Variants in NMBR observed in about 807,000 individuals in gnomAD.
The protein encoded by NMBR is neuromedin B receptor, also known as neuromedin-B receptor.
In NMBR, 16 loss-of-function variants were observed where a neutral mutation model predicts 20.5. The ratio of observed to expected loss-of-function variants is 0.78; its 90% CI spans 0.53 to 1.19. The LOEUF (loss-of-function observed/expected upper bound fraction) is 1.19. NMBR is among the 50% of genes most tolerant of loss of function. The probability of loss-of-function intolerance (pLI) is 0.00; values close to 1 mark genes in which losing one functional copy is unlikely to be tolerated. For missense variants in NMBR, 582 were observed against 499.1 expected (o/e 1.17, Z -1.58); for synonymous variants, 212 against 196.6 (o/e 1.08, Z -0.65).
intron 1 of NMBR, among the ~76,000 whole-genome samples, chr6:142,120,124 CTT>C (rs1562243843): frequency 6.6e-6 from 1 of 151,874 alleles, no homozygotes; most frequent in Non-Finnish European, 1.5e-5. Flanking sequence ...GTTTAAGAGA[CTT>C]TTGTGTTCTG....
intron 1 of NMBR, among the ~76,000 whole-genome samples, chr6:142,101,533 G>C (rs1777564982): frequency 2.0e-5 from 3 of 152,078 alleles, no homozygotes; most frequent in Admixed American, 2.0e-4. Flanking sequence ...AGGTTACAGG[G>C]TAGCTCTTTA....
At chr6:142,132,367 T>A (rs1323131459) in intron 1 of NMBR, among the ~76,000 whole-genome samples, 1 of 152,162 alleles carries the variant, frequency 6.6e-6, no homozygotes, top group East Asian at 1.9e-4. Context: ...CCCATAACAA[T>A]GTCTTACAGA....
chr6:142,088,777 C>A lies in NMBR; in HGVS notation c.-119G>T, dbSNP rs904597803. ...CCTCTCGCCCCTGCAAGTTTACTGT[C>A]CGCGGGGCAAGCCTCACAGCACCAC... On this transcript the variant is annotated 5_prime_UTR_variant, in exon 2 of 4. Transcript: ENST00000258042. 1 of 919,402 alleles carries A rather than the reference C, an allele frequency of 1.1e-6. No individual in the cohort carries two copies. Among genetic ancestry groups the A allele is most frequent in the East Asian group, 2.6e-5 (1 of 37,842 alleles). The allele number at this position is 919,402 out of a possible 1,614,324, so 57.0% of individuals were successfully genotyped here. A position where few individuals can be genotyped will look rare whatever the true frequency, so the allele number is the denominator to read the frequency against.
At chr6:142,126,183 A>C (rs1258313344) in intron 1 of NMBR, among the ~76,000 whole-genome samples, 1 of 151,358 alleles carries the variant, frequency 6.6e-6, no homozygotes, top group African/African-American at 2.4e-5. Context: ...CCGTCAACAT[A>C]ATGTCCTTCA....
chr6:142,120,206 A>G (rs897788809), intron 1 of NMBR, among the ~76,000 whole-genome samples: 2 of 151,938 alleles, frequency 1.3e-5, no homozygotes, highest in Non-Finnish European at 2.9e-5. Flanking sequence ...GACAAAACCT[A>G]TAACAATCAT....
intron 1 of NMBR, among the ~76,000 whole-genome samples, chr6:142,126,757 A>ATTTTTTTTTTTTTTTTTT (rs34631481): frequency 1.6e-4 from 8 of 51,360 alleles, no homozygotes; most frequent in African/African-American, 2.5e-4. Flanking sequence ...TATTTGAGGG[A>ATTTTTTTTTTTTTTTTTT]TTTTTTTTTT....
intron 3 of NMBR, 106 bp from the exon 4 acceptor site, chr6:142,076,155 A>G (rs765625935): frequency 4.6e-5 from 36 of 786,806 alleles, no homozygotes; most frequent in Non-Finnish European, 6.6e-5. Flanking sequence ...ATGATAATAC[A>G]TCCAAAATAC....
rs190515194 is a variant in NMBR at position 142,092,690 on chromosome 6, A to G, written c.-663-3369T>C. On this transcript the variant is annotated intron_variant, in intron 1 of 3. Coordinates refer to ENST00000258042, the MANE Select transcript of NMBR (RefSeq NM_002511.4). ...ATCGCTCTATCTTACTGCCTAGAGA[A>G]AGAGTTTTCAGCCCATGCACAAGGA... Among the ~76,000 whole-genome samples the G allele has an allele frequency of 3.0e-3, 459 of 152,274 alleles. 2 individuals are homozygous for G. Among genetic ancestry groups the G allele is most frequent in the Middle Eastern group, 0.017 (5 of 294 alleles).
chr6:142,122,590 T>C (rs1777963073), intron 1 of NMBR, among the ~76,000 whole-genome samples: 1 of 151,962 alleles, frequency 6.6e-6, no homozygotes, highest in African/African-American at 2.4e-5. Flanking sequence ...AAGAAGTCAA[T>C]GCCTGGGTTC....
At chr6:142,146,120 G>A (rs927313674) in intron 1 of NMBR, among the ~76,000 whole-genome samples, 2 of 152,188 alleles carry the variant, frequency 1.3e-5, no homozygotes, top group African/African-American at 4.8e-5. Flanking sequence ...GATTGGGGAA[G>A]AAGACAGAAC....
chr6:142,077,687 T>C (rs974348896), intron 3 of NMBR, among the ~76,000 whole-genome samples: 2 of 152,192 alleles, frequency 1.3e-5, no homozygotes, highest in Non-Finnish European at 2.9e-5. Flanking sequence ...GGCCCCAGCC[T>C]AATGCTCCAT....
rs3811089 is a variant in NMBR, at chr6:142,090,530, G to C, written c.-663-1209C>G. On this transcript the variant is annotated intron_variant, in intron 1 of 3. Coordinates refer to ENST00000258042, the MANE Select transcript of NMBR (RefSeq NM_002511.4). ...TTAAAATAATTCATTATAAAATTAA[G>C]ATTAGTTAAATAGAATATTTATGTA... Among the ~76,000 whole-genome samples the C allele has an allele frequency of 1.3e-3, 189 of 149,644 alleles. 2 individuals are homozygous for C. In the East Asian group the frequency reaches 0.018, roughly 14 times the overall value.
At chr6:142,145,709 G>A (rs1205634073) in intron 1 of NMBR, among the ~76,000 whole-genome samples, 1 of 152,102 alleles carries the variant, frequency 6.6e-6, no homozygotes, top group Non-Finnish European at 1.5e-5. Flanking sequence ...AGGAAATTGG[G>A]GCTGAGTGCC....
intron 1 of NMBR, among the ~76,000 whole-genome samples, chr6:142,137,277 C>G (rs1778277860): frequency 6.6e-6 from 1 of 152,090 alleles, no homozygotes; most frequent in Admixed American, 6.6e-5. Flanking sequence ...GGAGTTCACT[C>G]ATGATTTGGT....
chr6:142,105,755 G>T (rs1476811293), intron 1 of NMBR, among the ~76,000 whole-genome samples: 2 of 151,956 alleles, frequency 1.3e-5, no homozygotes, highest in Non-Finnish European at 2.9e-5. Context: ...ATCCCAATTT[G>T]TAGTGAAAAC....
intron 1 of NMBR, among the ~76,000 whole-genome samples, chr6:142,125,094 G>T (rs1281317583): frequency 6.6e-6 from 1 of 151,782 alleles, no homozygotes; most frequent in Non-Finnish European, 1.5e-5. Context: ...ATTGGCTAAG[G>T]GTTGTGATTT....
rs572483557 is a variant in NMBR, at chr6:142,076,010, A to T, written c.811T>A (p.Phe271Ile). The part of the protein sequence containing the change: ...RKRLAKIVLV[F>I]VGCFIFCWFP... ...CAACAGAAGATGAAACAGCCCACAA[A>T]GACAAGCACAATTTTAGCCAGGCGT... is the stretch of plus-strand genomic sequence containing the variant. Residue 271 changes from phenylalanine (F) to isoleucine (I), a missense_variant, in exon 4 of 4, where the codon TTT becomes ATT. Phe to Ile is a conservative substitution (Grantham distance 21). Coordinates refer to ENST00000258042, the MANE Select transcript of NMBR (RefSeq NM_002511.4). The T allele has an allele frequency of 1.9e-6, 3 of 1,603,844 alleles. No homozygotes were observed. The highest frequency in any genetic ancestry group is 4.5e-5 in the East Asian group (2 of 44,762).
In NMBR at chr6:142,134,707, A is replaced by G. The variant is rs1778216568; in HGVS notation, c.-664+12337T>C. ...AGCGGCAATAGCATTCTGGCTTCAGATTTACCTCTTTGGTTTCCAAGTAAA... is the reference window on the plus strand; with the variant it reads ...AGCGGCAATAGCATTCTGGCTTCAGGTTTACCTCTTTGGTTTCCAAGTAAA... On this transcript the variant is annotated intron_variant, in intron 1 of 3. Transcript: ENST00000258042. 1.4e-5 allele frequency: 10 copies of G among 692,912 alleles called. No individual in the cohort carries two copies. The South Asian group carries it at 1.5e-4, about 11-fold the overall frequency. 42.9% of individuals were successfully genotyped at this position (692,912 alleles called of 1,614,324 possible). A position where few individuals can be genotyped will look rare whatever the true frequency, so the allele number is the denominator to read the frequency against.
intron 3 of NMBR, among the ~76,000 whole-genome samples, chr6:142,076,984 G>A (rs193026090): frequency 1.4e-3 from 206 of 152,310 alleles, no homozygotes; most frequent in Middle Eastern, 6.8e-3. Context: ...TGGAGGAAGC[G>A]AAGAAAGGTA....
Sources: gnomAD v4.1 joint callset for allele counts (sites outside exome capture counted in the v4.1 genomes callset) on GRCh38, gnomAD v4.1.1 for gene constraint, MANE v1.5 for transcripts, NCBI Gene and HGNC (gene_info 2026-07-23, HGNC 2026-07-21) for gene names.